The following TPRG1 variants were observed in gnomAD, a reference collection of about 807,000 sequenced individuals.
TPRG1 encodes tumor protein p63-regulated gene 1 protein.
TPRG1 carries 29 observed loss-of-function variants against 29.3 expected under a neutral mutation model. That is an observed-to-expected ratio of 0.99 (90% CI 0.74 to 1.35). TPRG1 has a LOEUF of 1.35. Ranked by LOEUF, TPRG1 falls within the 40% of genes most tolerant of loss-of-function variation. The pLI is 0.00. For synonymous variants in TPRG1, 130 were observed against 116.8 expected, an observed-to-expected ratio of 1.11 and a Z score of -0.73; for missense variants, 327 against 335.0, an observed-to-expected ratio of 0.98 and a Z score of 0.19.
chr3:189,051,948 G>C (rs1715349599), intron 4 of TPRG1, among the ~76,000 whole-genome samples: 1 of 152,158 alleles, frequency 6.6e-6, no homozygotes, highest in Non-Finnish European at 1.5e-5. Flanking sequence ...ATCAACTCCA[G>C]ATATATTAAG....
intron 4 of TPRG1, among the ~76,000 whole-genome samples, chr3:189,033,198 A>G (rs1464664836): frequency 6.6e-6 from 1 of 152,184 alleles, no homozygotes; most frequent in African/African-American, 2.4e-5. Flanking sequence ...CTTTGTACCA[A>G]ACTAAAAGCC....
At chr3:189,009,545 C>T (rs761122343) in intron 3 of TPRG1, among the ~76,000 whole-genome samples, 2 of 152,018 alleles carry the variant, frequency 1.3e-5, no homozygotes, top group Non-Finnish European at 2.9e-5. Flanking sequence ...AAAGTAACCC[C>T]TGATTTTATA....
At chr3:189,152,682 A>T (rs1726113669) in intron 5 of TPRG1, among the ~76,000 whole-genome samples, 1 of 151,378 alleles carries the variant, frequency 6.6e-6, no homozygotes, top group Admixed American at 6.6e-5. Context: ...ACCCGCCATT[A>T]TTATTAAAAA....
chr3:189,170,133 A>C (rs9841154), upstream of TPRG1, among the ~76,000 whole-genome samples: 118 of 152,324 alleles, frequency 7.7e-4, no homozygotes, highest in African/African-American at 2.8e-3. Context: ...GGGATCCAGC[A>C]TGTCTCCACT....
At chr3:189,114,658 A>G (rs1257979462) in intron 1 of TPRG1, among the ~76,000 whole-genome samples, 1 of 152,144 alleles carries the variant, frequency 6.6e-6, no homozygotes, top group Admixed American at 6.6e-5. Context: ...CCCAGCCACA[A>G]GGAAGAAGAG....
At chr3:189,192,502 T>C (rs1201074491) in intron 1 of TPRG1, among the ~76,000 whole-genome samples, 1 of 152,186 alleles carries the variant, frequency 6.6e-6, no homozygotes, top group African/African-American at 2.4e-5. Flanking sequence ...TGCAGTGTGA[T>C]TAGTACTCAG....
intron 5 of TPRG1, among the ~76,000 whole-genome samples, chr3:189,159,661 T>C (rs750208692): frequency 2.0e-5 from 3 of 152,172 alleles, no homozygotes; most frequent in Non-Finnish European, 4.4e-5. Context: ...AATGATCTGA[T>C]TTCAGTGGCT....
At chr3:189,091,687 C>G (rs1218402410) in intron 4 of TPRG1, among the ~76,000 whole-genome samples, 7 of 152,084 alleles carry the variant, frequency 4.6e-5, no homozygotes, top group African/African-American at 1.7e-4. Flanking sequence ...TTTCTCTCTC[C>G]TCCTCCTCTG....
At chr3:189,032,345 A>T (rs849001) in intron 4 of TPRG1, among the ~76,000 whole-genome samples, 131,886 of 152,200 alleles carry the variant, frequency 0.87, 58,482 homozygotes, top group Non-Finnish European at 0.95. Flanking sequence ...CCAGAAAGAA[A>T]GCAGTCCTGC....
At chr3:189,173,563 A>G (rs1481290010) in intron 1 of TPRG1, among the ~76,000 whole-genome samples, 1 of 151,746 alleles carries the variant, frequency 6.6e-6, no homozygotes, top group South Asian at 2.1e-4. Flanking sequence ...TGGAACTTCT[A>G]TATATTCTTG....
chr3:189,250,382 A>C (rs761047340), intron 4 of TPRG1, among the ~76,000 whole-genome samples: 6 of 152,036 alleles, frequency 3.9e-5, no homozygotes, highest in Non-Finnish European at 5.9e-5. Flanking sequence ...CATCTATTAA[A>C]AGGTGACATT....
At chr3:189,273,592 G>A (rs1474255750) in intron 4 of TPRG1, among the ~76,000 whole-genome samples, 1 of 152,130 alleles carries the variant, frequency 6.6e-6, no homozygotes, top group African/African-American at 2.4e-5. Flanking sequence ...CCATAGTAGA[G>A]AATGCAAATA....
At chr3:189,100,927 C>A (rs978660542) in intron 1 of TPRG1, among the ~76,000 whole-genome samples, 1 of 152,210 alleles carries the variant, frequency 6.6e-6, no homozygotes, top group Non-Finnish European at 1.5e-5. Flanking sequence ...ATTTTCACAA[C>A]ATACTATTTG....
At chr3:189,002,159 A>G (rs1272556615) in intron 2 of TPRG1, among the ~76,000 whole-genome samples, 1 of 152,188 alleles carries the variant, frequency 6.6e-6, no homozygotes, top group Non-Finnish European at 1.5e-5. Flanking sequence ...TAAATTGAAG[A>G]GCCTTAAATA....
At chr3:189,073,035 T>C (rs1287667292) in intron 4 of TPRG1, among the ~76,000 whole-genome samples, 2 of 152,176 alleles carry the variant, frequency 1.3e-5, no homozygotes, top group Non-Finnish European at 2.9e-5. Flanking sequence ...GCCCCAGTTA[T>C]TGAATTGAAT....
chr3:189,223,120 C>T (rs1279442048), intron 3 of TPRG1, among the ~76,000 whole-genome samples: 1 of 152,164 alleles, frequency 6.6e-6, no homozygotes, highest in Non-Finnish European at 1.5e-5. Flanking sequence ...GCCTAGTTCC[C>T]AGTGATTAGT....
chr3:189,117,551 G>A, intron 1 of TPRG1, among the ~76,000 whole-genome samples: 1 of 152,164 alleles, frequency 6.6e-6, no homozygotes, highest in Non-Finnish European at 1.5e-5. Context: ...GTTTTGCTGT[G>A]TCCTCACCCA....
chr3:189,097,216 G>A (rs1718737596), upstream of TPRG1, among the ~76,000 whole-genome samples: 1 of 152,084 alleles, frequency 6.6e-6, no homozygotes, highest in African/African-American at 2.4e-5. Flanking sequence ...TAAGTATTGG[G>A]GAGCTGTTAA....
At chr3:189,108,136 C>T (rs1016610877) in intron 1 of TPRG1, among the ~76,000 whole-genome samples, 2 of 152,146 alleles carry the variant, frequency 1.3e-5, no homozygotes, top group East Asian at 1.9e-4. Flanking sequence ...GTTCCTTTAA[C>T]TCACCAGCAA....
Sources: gnomAD v4.1 joint callset for allele counts (sites outside exome capture counted in the v4.1 genomes callset) on GRCh38, gnomAD v4.1.1 for gene constraint, MANE v1.5 for transcripts, NCBI Gene and HGNC (gene_info 2026-07-23, HGNC 2026-07-21) for gene names.